Variants in ABCB5 observed in about 807,000 individuals in gnomAD.
ABCB5 encodes ATP-binding cassette sub-family B member 5.
Under a neutral mutation model 144.2 loss-of-function variants are expected in ABCB5, and 155 were observed. The observed-to-expected ratio is 1.08, with a 90% confidence interval of 0.94 to 1.23. The LOEUF is 1.23. ABCB5 is among the 50% of genes most tolerant of loss of function. ABCB5 has a pLI of 0.00. For missense variants in ABCB5, 1,830 were observed against 1,520.8 expected (o/e 1.20, Z -3.38); for synonymous variants, 610 against 528.6 (o/e 1.15, Z -2.11).
intron 19 of ABCB5, among the ~76,000 whole-genome samples, chr7:20,702,992 G>C (rs940434473): frequency 3.9e-5 from 6 of 151,982 alleles, no homozygotes; most frequent in Non-Finnish European, 7.4e-5. Flanking sequence ...GTACACAATT[G>C]CTGTCTTGCC....
intron 7 of ABCB5, among the ~76,000 whole-genome samples, chr7:20,644,080 A>T (rs925923329): frequency 1.1e-4 from 17 of 148,618 alleles, no homozygotes; most frequent in African/African-American, 4.1e-4. Flanking sequence ...GTTTATGTAT[A>T]TATGTAAAGT....
chr7:20,622,694 A>G (rs1396551499), intron 1 of ABCB5, among the ~76,000 whole-genome samples: 1 of 152,118 alleles, frequency 6.6e-6, no homozygotes, highest in East Asian at 1.9e-4. Context: ...AAGATCCTCA[A>G]GTATCATCCC....
intron 24 of ABCB5, 28 bp downstream of exon 24, chr7:20,739,167 C>A: frequency 1.3e-6 from 2 of 1,536,418 alleles, no homozygotes; most frequent in South Asian, 1.2e-5. Flanking sequence ...CTTAAATGTC[C>A]AAATAAAGAT....
At chr7:20,643,039 C>G in intron 5 of ABCB5, 145 bp from the exon 6 acceptor site, 118 of 640,802 alleles carry the variant, frequency 1.8e-4, no homozygotes, top group Non-Finnish European at 2.8e-4. Flanking sequence ...ATTCAATGCA[C>G]TTCACTCTCA....
At chr7:20,751,896 A>G (rs1049516862) in intron 26 of ABCB5, among the ~76,000 whole-genome samples, 3 of 152,262 alleles carry the variant, frequency 2.0e-5, no homozygotes, top group African/African-American at 7.2e-5. Flanking sequence ...GTCAGAGAAG[A>G]TATTTTTACT....
chr7:20,692,342 C>A (rs555329362), intron 16 of ABCB5, among the ~76,000 whole-genome samples: 4 of 151,916 alleles, frequency 2.6e-5, no homozygotes, highest in African/African-American at 9.6e-5. Flanking sequence ...ATTTTCAAAG[C>A]ACTGAAAGAA....
At chr7:20,699,119 G>C (rs1011504095) in intron 17 of ABCB5, among the ~76,000 whole-genome samples, 3 of 152,008 alleles carry the variant, frequency 2.0e-5, no homozygotes, top group Admixed American at 2.0e-4. Context: ...AAAATTCTGG[G>C]GGCACATTAA....
rs529848865 is a variant in ABCB5, at chr7:20,626,163, G to C, written c.54-394G>C. 1.2e-3 allele frequency among the ~76,000 whole-genome samples: 181 copies of C among 152,288 alleles called. 3 individuals are homozygous for C. Among genetic ancestry groups the C allele is most frequent in the Non-Finnish European group, 1.1e-3 (74 of 68,020 alleles). ...CGGTTGCCAGGGGCTGGGAGATGGGGACAATGGGAAAATGTTTAATGTGTA... is the reference window on the plus strand; with the variant it reads ...CGGTTGCCAGGGGCTGGGAGATGGGCACAATGGGAAAATGTTTAATGTGTA... On this transcript the variant is annotated intron_variant, in intron 2 of 27. Coordinates refer to ENST00000404938, the MANE Select transcript of ABCB5 (RefSeq NM_001163941.2).
At chr7:20,710,070 A>G (rs1786973004) in intron 20 of ABCB5, among the ~76,000 whole-genome samples, 1 of 147,798 alleles carries the variant, frequency 6.8e-6, no homozygotes, top group African/African-American at 2.5e-5. Context: ...AAAAAAAAAA[A>G]AGAAAAAAAA....
chr7:20,684,838 T>G (rs1785942726), intron 15 of ABCB5, among the ~76,000 whole-genome samples: 1 of 152,202 alleles, frequency 6.6e-6, no homozygotes. Flanking sequence ...ACATTCTCCT[T>G]GTGCACCTAA....
chr7:20,644,783 A>C (rs1406644205), intron 7 of ABCB5, among the ~76,000 whole-genome samples: 3 of 152,226 alleles, frequency 2.0e-5, no homozygotes, highest in African/African-American at 7.2e-5. Context: ...ACCAAACAAG[A>C]ATTTTCAGCA....
At position 20,622,554 on chromosome 7, in the gene ABCB5, T is replaced by A. The variant is rs949670030; in HGVS notation, c.-21-711T>A. Among the ~76,000 whole-genome samples the A allele has an allele frequency of 2.0e-5, 3 of 152,094 alleles. No individual in the cohort carries two copies. The East Asian group carries it at 5.8e-4, about 29-fold the overall frequency. On this transcript the variant is annotated intron_variant, in intron 1 of 27. Transcript: ENST00000404938. ...TTTAAAGTTTAAAGCCATATCTTTA[T>A]AATTGTCTTTATATAGGGTAATATG...
chr7:20,681,024 T>C (rs375540446), intron 14 of ABCB5, among the ~76,000 whole-genome samples: 415 of 9,622 alleles, frequency 0.043, 5 homozygotes, highest in East Asian at 0.12. Context: ...CTTTCTTTCT[T>C]TCTTTCTTTC....
At chr7:20,727,709 C>T (rs1026398429) in intron 22 of ABCB5, among the ~76,000 whole-genome samples, 1 of 152,178 alleles carries the variant, frequency 6.6e-6, no homozygotes, top group Non-Finnish European at 1.5e-5. Flanking sequence ...ACTCCAACTC[C>T]AGCCTAGGCG....
chr7:20,632,031 T>C (rs186505679), intron 4 of ABCB5, 28 bp from the exon 5 acceptor site: 1 of 1,423,472 alleles, frequency 7.0e-7, no homozygotes, highest in African/African-American at 1.4e-5. Context: ...ATTAATTTCC[T>C]CTATATTTTA....
chr7:20,692,350 G>C (rs1279400191), intron 16 of ABCB5, among the ~76,000 whole-genome samples: 1 of 151,780 alleles, frequency 6.6e-6, no homozygotes, highest in Non-Finnish European at 1.5e-5. Context: ...AGCACTGAAA[G>C]AAAAAGAAAA....
chr7:20,638,492 G>T (rs1490648965), intron 5 of ABCB5, among the ~76,000 whole-genome samples: 2 of 152,130 alleles, frequency 1.3e-5, no homozygotes, highest in Non-Finnish European at 2.9e-5. Flanking sequence ...CTCCTACAAA[G>T]ATCTTCATTT....
In ABCB5 at chr7:20,698,479, G is replaced by C. The variant is rs771695321; in HGVS notation, c.2083G>C (p.Gly695Arg). 3 of 1,603,216 alleles carry C rather than the reference G, an allele frequency of 1.9e-6. No individual in the cohort carries two copies. Among genetic ancestry groups the C allele is most frequent in the Non-Finnish European group, 1.7e-6 (2 of 1,176,308 alleles). The change falls in exon 17 of 28, where the codon GGG becomes CGG. Residue 695 changes from glycine (G) to arginine (R), a missense_variant. Coordinates refer to ENST00000404938, the MANE Select transcript of ABCB5 (RefSeq NM_001163941.2). Reference sequence around the variant, plus strand: ...GCCTGAATGGCCTTTTGTGGTTCTGGGGACATTGGCTTCTGTTCTAAATGG... The same window carrying C: ...GCCTGAATGGCCTTTTGTGGTTCTGCGGACATTGGCTTCTGTTCTAAATGG... ...NKPEWPFVVL[G>R]TLASVLNGTV... is the part of the protein sequence containing the mutation.
At chr7:20,650,555 C>A (rs1472915415) in intron 12 of ABCB5, among the ~76,000 whole-genome samples, 2 of 148,354 alleles carry the variant, frequency 1.3e-5, no homozygotes, top group Non-Finnish European at 3.0e-5. Context: ...GAAAACATCT[C>A]CACTTTTCTT....
Sources: gnomAD v4.1 joint callset for allele counts (sites outside exome capture counted in the v4.1 genomes callset) on GRCh38, gnomAD v4.1.1 for gene constraint, MANE v1.5 for transcripts, NCBI Gene and HGNC (gene_info 2026-07-23, HGNC 2026-07-21) for gene names.